Variants in STAC observed in about 807,000 individuals in gnomAD.
STAC encodes the protein SH3 and cysteine rich domain, also known as SH3 and cysteine-rich domain-containing protein.
Under a neutral mutation model 48.8 loss-of-function variants are expected in STAC, and 43 were observed. The observed-to-expected ratio is 0.88, with a 90% CI of 0.69 to 1.14. STAC has a LOEUF of 1.14. Ranked by LOEUF, STAC falls within the 50% of genes most tolerant of loss-of-function variation. The probability of loss-of-function intolerance (pLI) is 0.00; values close to 1 mark genes in which losing one functional copy is unlikely to be tolerated. For missense variants in STAC, 497 were observed against 504.0 expected (o/e 0.99, Z 0.13); for synonymous variants, 193 against 179.5 (o/e 1.07, Z -0.60).
intron 1 of STAC, among the ~76,000 whole-genome samples, chr3:36,436,257 C>T (rs528530007): frequency 1.3e-5 from 2 of 152,306 alleles, no homozygotes; most frequent in South Asian, 2.1e-4. Flanking sequence ...TCAGGATTAT[C>T]GCAAGAGTCT....
At chr3:36,489,052 T>C (rs74777540) in intron 5 of STAC, among the ~76,000 whole-genome samples, 2,660 of 152,274 alleles carry the variant, frequency 0.017, 22 homozygotes, top group Non-Finnish European at 0.021. Context: ...TCTATTTTTA[T>C]ACAAACAATG....
chr3:36,392,773 T>A (rs1699781386), intron 1 of STAC, among the ~76,000 whole-genome samples: 1 of 152,146 alleles, frequency 6.6e-6, no homozygotes, highest in Admixed American at 6.5e-5. Flanking sequence ...CCCTTAAAAC[T>A]CACAGCTTTA....
intron 1 of STAC, among the ~76,000 whole-genome samples, chr3:36,410,255 C>T (rs978658774): frequency 3.3e-5 from 5 of 152,138 alleles, no homozygotes; most frequent in African/African-American, 9.7e-5. Flanking sequence ...TTCGCCTGCT[C>T]ATATGCTTAT....
intron 1 of STAC, among the ~76,000 whole-genome samples, chr3:36,426,690 T>A (rs1012692748): frequency 3.3e-5 from 5 of 152,234 alleles, no homozygotes; most frequent in Non-Finnish European, 7.3e-5. Context: ...AACCCCCTAC[T>A]AATTTTAACA....
chr3:36,452,666 T>G (rs1453826423), intron 2 of STAC, among the ~76,000 whole-genome samples: 2 of 152,238 alleles, frequency 1.3e-5, no homozygotes, highest in Non-Finnish European at 2.9e-5. Flanking sequence ...GAATTGCAGA[T>G]AACTCAAATA....
intron 5 of STAC, among the ~76,000 whole-genome samples, chr3:36,492,452 G>A (rs983124001): frequency 2.0e-5 from 3 of 152,166 alleles, no homozygotes; most frequent in African/African-American, 7.2e-5. Flanking sequence ...CCGGGCTTCA[G>A]ATTCCTCTCT....
rs147711137 is a variant in STAC, at chr3:36,507,537, C to T, written c.920+1703C>T. Among the ~76,000 whole-genome samples the T allele has an allele frequency of 3.8e-3, 586 of 152,288 alleles. 7 individuals carry two copies. Among genetic ancestry groups the T allele is most frequent in the Admixed American group, 0.025 (376 of 15,292 alleles). Reference sequence around the variant, plus strand: ...CTCTGGTAGAATTCGGCTATGATTCCATCTGGTCCTGGGCTTTTTTTGGTT... The same window carrying T: ...CTCTGGTAGAATTCGGCTATGATTCTATCTGGTCCTGGGCTTTTTTTGGTT... On this transcript the variant is annotated intron_variant, in intron 8 of 10. Transcript: ENST00000273183.
chr3:36,542,013 G>C (rs1464058371), intron 10 of STAC, among the ~76,000 whole-genome samples: 1 of 151,786 alleles, frequency 6.6e-6, no homozygotes, highest in African/African-American at 2.4e-5. Context: ...GATGGAGAGA[G>C]AATGGGTGGC....
chr3:36,472,593 C>T (rs1697371246), intron 2 of STAC, among the ~76,000 whole-genome samples: 1 of 152,222 alleles, frequency 6.6e-6, no homozygotes, highest in African/African-American at 2.4e-5. Context: ...TTAGAAACTT[C>T]TTCCACCAGA....
intron 1 of STAC, among the ~76,000 whole-genome samples, chr3:36,420,555 G>A (rs74583666): frequency 0.2 from 30,421 of 152,056 alleles, 3,225 homozygotes; most frequent in Admixed American, 0.23. Flanking sequence ...AGCACAAACC[G>A]TATTGTGAAC....
chr3:36,446,938 G>A (rs73830381), intron 2 of STAC, among the ~76,000 whole-genome samples: 9,669 of 152,178 alleles, frequency 0.064, 610 homozygotes, highest in African/African-American at 0.16. Flanking sequence ...TCCATTGGGG[G>A]AAATAATAAT....
At chr3:36,414,408 G>A (rs1012063539) in intron 1 of STAC, among the ~76,000 whole-genome samples, 39 of 151,878 alleles carry the variant, frequency 2.6e-4, no homozygotes, top group Non-Finnish European at 1.2e-4. Context: ...TTATCTTCTC[G>A]CTTCATTTCA....
chr3:36,434,612 G>A (rs938640212), intron 1 of STAC, among the ~76,000 whole-genome samples: 1 of 152,194 alleles, frequency 6.6e-6, no homozygotes, highest in African/African-American at 2.4e-5. Flanking sequence ...TATGGTGACT[G>A]TGCCTCCTAA....
At chr3:36,488,633 G>T (rs577934666) in intron 5 of STAC, among the ~76,000 whole-genome samples, 1 of 151,852 alleles carries the variant, frequency 6.6e-6, no homozygotes, top group Non-Finnish European at 1.5e-5. Flanking sequence ...TTGCAAATCA[G>T]CAGATTCAGA....
At chr3:36,435,489 G>A (rs1024410383) in intron 1 of STAC, among the ~76,000 whole-genome samples, 4 of 151,916 alleles carry the variant, frequency 2.6e-5, no homozygotes, top group Non-Finnish European at 4.4e-5. Context: ...AATACATGCT[G>A]GAGTAAGCTC....
intron 10 of STAC, among the ~76,000 whole-genome samples, chr3:36,536,101 G>A (rs1241299770): frequency 2.0e-5 from 3 of 151,996 alleles, no homozygotes; most frequent in South Asian, 2.1e-4. Flanking sequence ...CTGGTGCTGG[G>A]CTTTTTTTGG....
chr3:36,482,427 G>A (rs186554522), intron 2 of STAC, among the ~76,000 whole-genome samples: 111 of 152,208 alleles, frequency 7.3e-4, no homozygotes, highest in African/African-American at 2.3e-3. Context: ...GTGACTCACC[G>A]CAGCCACAAT....
intron 2 of STAC, among the ~76,000 whole-genome samples, chr3:36,447,975 C>A (rs1407303615): frequency 6.6e-6 from 1 of 152,072 alleles, no homozygotes; most frequent in Non-Finnish European, 1.5e-5. Context: ...AAATGCAGCA[C>A]CCAGAACTCA....
chr3:36,385,111 A>G (rs1262721488), intron 1 of STAC, among the ~76,000 whole-genome samples: 1 of 152,200 alleles, frequency 6.6e-6, no homozygotes, highest in Non-Finnish European at 1.5e-5. Context: ...AGTATTTTCT[A>G]TACAGATGCC....
Sources: allele counts gnomAD v4.1 joint callset (sites outside exome capture counted in the v4.1 genomes callset), GRCh38; gene constraint gnomAD v4.1.1; transcripts MANE v1.5; gene names NCBI Gene and HGNC (gene_info 2026-07-23, HGNC 2026-07-21).